Variants in BRINP3 observed in about 807,000 individuals in gnomAD.
BRINP3 encodes BMP/retinoic acid-inducible neural-specific protein 3.
In BRINP3, 19 loss-of-function variants were observed where a neutral mutation model predicts 71.0. The observed-to-expected ratio is 0.27, with a 90% CI of 0.19 to 0.39. The LOEUF (loss-of-function observed/expected upper bound fraction) is 0.39. BRINP3 is among the 10% of genes least tolerant of loss of function. The pLI is 1.00. For missense variants in BRINP3, 959 were observed against 940.8 expected (o/e 1.02, Z -0.25); for synonymous variants, 380 against 337.7 (o/e 1.13, Z -1.37).
chr1:190,161,095 C>T (rs1343246898), intron 6 of BRINP3, among the ~76,000 whole-genome samples: 3 of 151,944 alleles, frequency 2.0e-5, no homozygotes, highest in Non-Finnish European at 4.4e-5. Context: ...TTGCTGTTCC[C>T]TTTAAAATAG....
chr1:190,278,217 G>A (rs908750396), intron 3 of BRINP3, among the ~76,000 whole-genome samples: 4 of 151,550 alleles, frequency 2.6e-5, no homozygotes, highest in African/African-American at 2.4e-5. Flanking sequence ...GAAGATTTAG[G>A]TACTTAGGAA....
intron 2 of BRINP3, among the ~76,000 whole-genome samples, chr1:190,327,086 C>T (rs185106652): frequency 2.7e-5 from 4 of 150,486 alleles, no homozygotes; most frequent in East Asian, 3.9e-4. Flanking sequence ...GAGGCCAAGG[C>T]GGGTGGATCA....
intron 2 of BRINP3, among the ~76,000 whole-genome samples, chr1:190,301,123 G>T (rs1438927795): frequency 3.5e-5 from 5 of 141,070 alleles, no homozygotes; most frequent in African/African-American, 1.3e-4. Context: ...TTTTATTGAT[G>T]GCTTTACATA....
At chr1:190,205,056 A>G (rs1410819312) in intron 6 of BRINP3, among the ~76,000 whole-genome samples, 1 of 151,784 alleles carries the variant, frequency 6.6e-6, no homozygotes, top group Non-Finnish European at 1.5e-5. Flanking sequence ...ACAAGCCAGT[A>G]TGCAGTTGAT....
At chr1:190,207,065 A>G (rs911408310) in intron 6 of BRINP3, among the ~76,000 whole-genome samples, 1 of 151,422 alleles carries the variant, frequency 6.6e-6, no homozygotes, top group Non-Finnish European at 1.5e-5. Flanking sequence ...TTAATATTAG[A>G]GATGTTATTT....
At chr1:190,238,054 C>G (rs1370929432) in intron 4 of BRINP3, among the ~76,000 whole-genome samples, 1 of 151,980 alleles carries the variant, frequency 6.6e-6, no homozygotes, top group Non-Finnish European at 1.5e-5. Flanking sequence ...GTTACTGATA[C>G]CTGCATCTTG....
chr1:190,137,242 A>G (rs1175082559), intron 7 of BRINP3, among the ~76,000 whole-genome samples: 1 of 152,098 alleles, frequency 6.6e-6, no homozygotes, highest in Non-Finnish European at 1.5e-5. Context: ...TTTCTTTGTG[A>G]GCTATGAAGA....
chr1:190,117,977 C>G (rs1055998972), intron 7 of BRINP3, among the ~76,000 whole-genome samples: 1 of 151,978 alleles, frequency 6.6e-6, no homozygotes, highest in East Asian at 1.9e-4. Context: ...GTTCTTACCT[C>G]CTTAATTAAT....
Position 190,408,760 on chromosome 1 carries a change from T to C in BRINP3, c.236+45895A>G, listed in dbSNP as rs76684907. On this transcript the variant is annotated intron_variant, in intron 2 of 7. Coordinates refer to ENST00000367462, the MANE Select transcript of BRINP3 (RefSeq NM_199051.3). ...AAGTGGTGTTTATGGAGAATTTTGT[T>C]TGTCACATGGGCATTGAATAGGCTA... 3.5e-4 allele frequency among the ~76,000 whole-genome samples: 54 copies of C among 152,338 alleles called. No homozygotes were observed. In the East Asian group the frequency reaches 8.3e-3, roughly 23 times the overall value.
intron 4 of BRINP3, among the ~76,000 whole-genome samples, chr1:190,249,737 TGA>T (rs1476455974): frequency 1.3e-5 from 2 of 151,894 alleles, no homozygotes; most frequent in East Asian, 3.9e-4. Context: ...TACGTGAAGG[TGA>T]GAGTACATTT....
chr1:190,326,671 T>C (rs1291836824), intron 2 of BRINP3, among the ~76,000 whole-genome samples: 1 of 151,720 alleles, frequency 6.6e-6, no homozygotes, highest in African/African-American at 2.4e-5. Flanking sequence ...GAAAAGAAAA[T>C]CCAATCAAGA....
chr1:190,352,363 G>A (rs985631195), intron 2 of BRINP3, among the ~76,000 whole-genome samples: 9 of 151,992 alleles, frequency 5.9e-5, no homozygotes, highest in Admixed American at 2.0e-4. Flanking sequence ...TTTCAAATGC[G>A]AAGGGTAAAT....
intron 2 of BRINP3, among the ~76,000 whole-genome samples, chr1:190,451,071 G>C (rs2102610523): frequency 6.6e-6 from 1 of 151,990 alleles, no homozygotes; most frequent in Admixed American, 6.6e-5. Context: ...ACATCAAGTT[G>C]TGATAATATG....
chr1:190,234,464 C>A lies in BRINP3; in HGVS notation c.632G>T (p.Arg211Leu), dbSNP rs754887979. 3.7e-6 allele frequency: 6 copies of A among 1,612,022 alleles called. No individual in the cohort carries two copies. Among genetic ancestry groups the A allele is most frequent in the African/African-American group, 2.7e-5 (2 of 74,890 alleles). ...GTTACTGCAGCCAAGAGGACCAGTC[C>A]GTGTTTCTGTTACCTGGCAAACAAA... ...ASTAIKVTETRTGPLGCSNYD... is the reference protein window; with the variant it reads ...ASTAIKVTETLTGPLGCSNYD... Residue 211 changes from arginine to leucine, a missense_variant, in exon 5 of 8, where the codon CGG becomes CTG. Arg to Leu is a moderately radical substitution (Grantham distance 102, BLOSUM62 -2). Coordinates refer to ENST00000367462, the MANE Select transcript of BRINP3 (RefSeq NM_199051.3).
chr1:190,285,376 T>C (rs1337185413), intron 2 of BRINP3, among the ~76,000 whole-genome samples: 2 of 152,170 alleles, frequency 1.3e-5, no homozygotes, highest in Non-Finnish European at 2.9e-5. Context: ...AGCCCGGACA[T>C]TGATTAGCAA....
chr1:190,225,590 C>G (rs543365059), intron 6 of BRINP3, among the ~76,000 whole-genome samples: 5 of 151,404 alleles, frequency 3.3e-5, no homozygotes, highest in African/African-American at 1.2e-4. Flanking sequence ...ATGTTTTAAC[C>G]AAGTAAAAAT....
At chr1:190,402,522 C>T (rs1671997133) in intron 2 of BRINP3, among the ~76,000 whole-genome samples, 1 of 152,046 alleles carries the variant, frequency 6.6e-6, no homozygotes, top group African/African-American at 2.4e-5. Context: ...ATGTAGTCTG[C>T]TTTGCCATTA....
intron 6 of BRINP3, among the ~76,000 whole-genome samples, chr1:190,214,051 G>A (rs1300427798): frequency 6.6e-6 from 1 of 151,964 alleles, no homozygotes; most frequent in Non-Finnish European, 1.5e-5. Flanking sequence ...TCACTCATAG[G>A]TTGGAGCTTG....
chr1:190,402,697 A>G (rs1672007439), intron 2 of BRINP3, among the ~76,000 whole-genome samples: 1 of 152,170 alleles, frequency 6.6e-6, no homozygotes, highest in Non-Finnish European at 1.5e-5. Flanking sequence ...AAATTTTGAC[A>G]CATGTACTTT....
Sources: allele counts gnomAD v4.1 joint callset (sites outside exome capture counted in the v4.1 genomes callset), GRCh38; gene constraint gnomAD v4.1.1; transcripts MANE v1.5; gene names NCBI Gene and HGNC (gene_info 2026-07-23, HGNC 2026-07-21).